Variants in CMIP observed in about 807,000 individuals in gnomAD.
CMIP encodes C-Maf-inducing protein.
A neutral mutation model predicts 97.3 loss-of-function variants in CMIP; 13 were observed. That is an observed-to-expected ratio of 0.13 (90% CI 0.09 to 0.21). The LOEUF (loss-of-function observed/expected upper bound fraction) is 0.21, where lower values mean the gene tolerates loss of function less well. CMIP is among the 10% of genes least tolerant of loss of function. CMIP has a pLI of 1.00. For synonymous variants in CMIP, 538 were observed against 436.3 expected (o/e 1.23, Z -2.91); for missense variants, 847 against 1,024.9 (o/e 0.83, Z 2.37).
At chr16:81,633,861 C>T (rs911512202) in intron 3 of CMIP, among the ~76,000 whole-genome samples, 27 of 152,202 alleles carry the variant, frequency 1.8e-4, no homozygotes, top group Non-Finnish European at 3.8e-4. Context: ...CGGGGCCAGC[C>T]TGACACCGGC....
At chr16:81,562,747 C>A (rs769169320) in intron 1 of CMIP, among the ~76,000 whole-genome samples, 1 of 152,268 alleles carries the variant, frequency 6.6e-6, no homozygotes, top group Non-Finnish European at 1.5e-5. Flanking sequence ...GCTCCAAGTT[C>A]ATATCACATA....
chr16:81,593,864 G>A (rs1306118602), intron 1 of CMIP, among the ~76,000 whole-genome samples: 1 of 152,118 alleles, frequency 6.6e-6, no homozygotes, highest in Non-Finnish European at 1.5e-5. Flanking sequence ...CACGCCACAT[G>A]CCCTGGCCCA....
chr16:81,526,028 G>A lies in CMIP; in HGVS notation c.300+80487G>A, dbSNP rs1233056549. Among the ~76,000 whole-genome samples the A allele has an allele frequency of 3.3e-5, 5 of 150,826 alleles. No homozygotes were observed. The East Asian group carries it at 9.7e-4, about 29-fold the overall frequency. On this transcript the variant is annotated intron_variant, in intron 1 of 20. Coordinates refer to ENST00000537098, the MANE Select transcript of CMIP (RefSeq NM_198390.3). ...TGTGTCTGTGTGTGTGTGTGTGTTC[G>A]TCCATTCAGTTTGTCCGTTTGCATT...
intron 1 of CMIP, among the ~76,000 whole-genome samples, chr16:81,561,087 T>G (rs1220778575): frequency 6.6e-6 from 1 of 152,208 alleles, no homozygotes; most frequent in Non-Finnish European, 1.5e-5. Context: ...CCTAAGTAGC[T>G]GGGATTACAG....
intron 1 of CMIP, among the ~76,000 whole-genome samples, chr16:81,605,789 G>A (rs2091733784): frequency 6.6e-6 from 1 of 152,178 alleles, no homozygotes; most frequent in African/African-American, 2.4e-5. Flanking sequence ...TAGATATTTT[G>A]TTTGTTGTCT....
intron 1 of CMIP, among the ~76,000 whole-genome samples, chr16:81,561,601 C>T (rs138644724): frequency 0.039 from 5,928 of 152,212 alleles, 133 homozygotes; most frequent in Non-Finnish European, 0.058. Flanking sequence ...TACAGAGGGC[C>T]TCGCAGACAA....
At chr16:81,520,569 G>GGGGGGAGAGAGAGAGAGAGAGA (rs370420453) in intron 1 of CMIP, 1 of 106,948 alleles carries the variant, frequency 9.4e-6, no homozygotes, top group African/African-American at 4.4e-5. Context: ...GGAGGAAGGG[G>GGGGGGAGAGAGAGAGAGAGAGA]GAGAGAGAGA....
At chr16:81,708,006 C>T (rs1908341454) in intron 20 of CMIP, among the ~76,000 whole-genome samples, 5 of 152,268 alleles carry the variant, frequency 3.3e-5, no homozygotes, top group African/African-American at 1.2e-4. Context: ...GGGGCATCCT[C>T]CAGATGCTTC....
intron 1 of CMIP, among the ~76,000 whole-genome samples, chr16:81,562,731 C>T (rs775750881): frequency 2.6e-5 from 4 of 152,360 alleles, no homozygotes; most frequent in East Asian, 1.9e-4. Flanking sequence ...GAGCCAGCAC[C>T]GAAGGGCTCC....
chr16:81,579,088 AC>A (rs2091251696), intron 1 of CMIP, among the ~76,000 whole-genome samples: 1 of 152,156 alleles, frequency 6.6e-6, no homozygotes, highest in Non-Finnish European at 1.5e-5. Flanking sequence ...ATTCCAGTTG[AC>A]CTAGGGCAAG....
chr16:81,617,723 C>T (rs1379552875), intron 2 of CMIP, among the ~76,000 whole-genome samples: 1 of 152,220 alleles, frequency 6.6e-6, no homozygotes, highest in Non-Finnish European at 1.5e-5. Flanking sequence ...AGGCACTGCT[C>T]ACCTAGCTGT....
At chr16:81,709,385 A>G (rs945095211) in intron 20 of CMIP, among the ~76,000 whole-genome samples, 1 of 152,204 alleles carries the variant, frequency 6.6e-6, no homozygotes, top group Non-Finnish European at 1.5e-5. Context: ...AGATGGGCCC[A>G]CAGAGGAAGA....
intron 2 of CMIP, among the ~76,000 whole-genome samples, chr16:81,610,007 A>C (rs1042838875): frequency 3.9e-5 from 6 of 152,216 alleles, no homozygotes; most frequent in Admixed American, 1.3e-4. Flanking sequence ...AGATCTGTGC[A>C]TGACAGAGAG....
At chr16:81,705,473 G>T in intron 18 of CMIP, 26 bp from the exon 19 acceptor site, 1 of 1,522,172 alleles carries the variant, frequency 6.6e-7, no homozygotes. Context: ...GGCCGGGAGA[G>T]GGCTGAGAGT....
chr16:81,667,623 G>C lies in CMIP; in HGVS notation c.826-2519G>C, dbSNP rs551368768. Among the ~76,000 whole-genome samples, 4 of 152,246 alleles carry C rather than the reference G, an allele frequency of 2.6e-5. No homozygotes were observed. In the East Asian group the frequency reaches 7.7e-4, roughly 29 times the overall value. On this transcript the variant is annotated intron_variant, in intron 7 of 20. Coordinates refer to ENST00000537098, the MANE Select transcript of CMIP (RefSeq NM_198390.3). ...CATAAAACCCTCGTGGTGGAAGGGG[G>C]CTAGAGATCACTTCTGTGGACCCTC...
At chr16:81,473,048 C>G (rs1376443765) in intron 1 of CMIP, among the ~76,000 whole-genome samples, 1 of 152,200 alleles carries the variant, frequency 6.6e-6, no homozygotes, top group Non-Finnish European at 1.5e-5. Flanking sequence ...CCCTCAGCAT[C>G]CTGATCTATA....
chr16:81,553,178 C>T (rs1401641997), intron 1 of CMIP, among the ~76,000 whole-genome samples: 1 of 152,162 alleles, frequency 6.6e-6, no homozygotes, highest in East Asian at 1.9e-4. Flanking sequence ...TTCTTCCACC[C>T]TGACTGTGGC....
intron 1 of CMIP, among the ~76,000 whole-genome samples, chr16:81,575,759 C>G (rs112571666): frequency 0.019 from 2,892 of 152,242 alleles, 86 homozygotes; most frequent in African/African-American, 0.065. Flanking sequence ...GAGTTCAGGT[C>G]CTGCCTCTGG....
chr16:81,517,550 A>G (rs2089940826), intron 1 of CMIP, among the ~76,000 whole-genome samples: 1 of 152,214 alleles, frequency 6.6e-6, no homozygotes, highest in African/African-American at 2.4e-5. Flanking sequence ...GAATTCAGGT[A>G]AAGGGGATTT....
Sources: allele counts gnomAD v4.1 joint callset (sites outside exome capture counted in the v4.1 genomes callset), GRCh38; gene constraint gnomAD v4.1.1; transcripts MANE v1.5; gene names NCBI Gene and HGNC (gene_info 2026-07-23, HGNC 2026-07-21).